NSUN2: variants seen among roughly 807,000 people sequenced by gnomAD.
NSUN2 encodes the protein NOP2/Sun RNA methyltransferase 2.
Under a neutral mutation model 92.7 loss-of-function variants are expected in NSUN2, and 63 were observed. That is an observed-to-expected ratio of 0.68 (90% CI 0.56 to 0.84). NSUN2 has a LOEUF of 0.84. NSUN2 is among the 40% of genes least tolerant of loss of function. The pLI is 0.00. For missense variants in NSUN2, 989 were observed against 964.9 expected (o/e 1.02, Z -0.33); for synonymous variants, 356 against 348.3 (o/e 1.02, Z -0.25).
intron 18 of NSUN2, among the ~76,000 whole-genome samples, chr5:6,600,781 T>C (rs1487766630): frequency 6.6e-6 from 1 of 152,152 alleles, no homozygotes; most frequent in Non-Finnish European, 1.5e-5. Context: ...GTTAGCGTGA[T>C]TTCTTCTCCA....
At chr5:6,606,577 G>A (rs746418140) in intron 14 of NSUN2, among the ~76,000 whole-genome samples, 73 of 151,808 alleles carry the variant, frequency 4.8e-4, no homozygotes, top group Non-Finnish European at 8.2e-4. Context: ...GAGCCACCGC[G>A]CCCGGTCCAG....
At chr5:6,610,489 CA>C (rs1736942173) in intron 11 of NSUN2, among the ~76,000 whole-genome samples, 1 of 151,986 alleles carries the variant, frequency 6.6e-6, no homozygotes, top group Admixed American at 6.5e-5. Flanking sequence ...GGGAGTTCAA[CA>C]CCAGCCTGGC....
intron 6 of NSUN2, chr5:6,621,792 C>T (rs1305065131): frequency 4.6e-5 from 20 of 438,220 alleles, no homozygotes; most frequent in Non-Finnish European, 7.3e-5. Context: ...AGAAAACACA[C>T]ATAATTCTAA....
chr5:6,600,702 C>T (rs1042936075), intron 18 of NSUN2, among the ~76,000 whole-genome samples: 6 of 152,024 alleles, frequency 3.9e-5, no homozygotes, highest in South Asian at 2.1e-4. Context: ...CCAGGACCAC[C>T]GGGAGACTCT....
rs984816694 is a variant in NSUN2 at position 6,610,840 on chromosome 5, G to T, written c.1226+115C>A. The T allele has an allele frequency of 1.4e-5, 18 of 1,272,508 alleles. No individual in the cohort carries two copies. In the African/African-American group the frequency reaches 2.7e-4, roughly 19 times the overall value. 78.8% of individuals were successfully genotyped at this position (1,272,508 alleles called of 1,614,324 possible). A position where few individuals can be genotyped will look rare whatever the true frequency, so the allele number is the denominator to read the frequency against. On this transcript the variant is annotated intron_variant, in intron 11 of 18. Coordinates refer to ENST00000264670, the MANE Select transcript of NSUN2 (RefSeq NM_017755.6). ...TGGGGTTGACCCTGGCATAACCCAA[G>T]CCTCACAGCAATGTCACCTGCTGCC...
At chr5:6,632,782 C>T (rs776818536) in intron 1 of NSUN2, 26 bp from the exon 2 acceptor site, 1 of 1,607,822 alleles carries the variant, frequency 6.2e-7, no homozygotes, top group African/African-American at 1.3e-5. Context: ...GACGTCTACC[C>T]CGAGGCCCAA....
chr5:6,618,076 A>T, intron 7 of NSUN2, 52 bp from the exon 8 acceptor site: 1 of 1,142,638 alleles, frequency 8.8e-7, no homozygotes, highest in Non-Finnish European at 1.3e-6. Flanking sequence ...GGATGACTGC[A>T]CTTTAACAGA....
At chr5:6,621,740 T>TC (rs1737453020) in intron 6 of NSUN2, 1 of 272,834 alleles carries the variant, frequency 3.7e-6, no homozygotes, top group East Asian at 8.0e-5. Flanking sequence ...AGAGTGAGAC[T>TC]CCATCTCAAA....
intron 7 of NSUN2, among the ~76,000 whole-genome samples, chr5:6,619,515 T>C (rs1737349314): frequency 6.6e-6 from 1 of 152,200 alleles, no homozygotes. Context: ...TCTTTCCTTT[T>C]AAAAAAACTT....
intron 3 of NSUN2, among the ~76,000 whole-genome samples, chr5:6,627,773 C>T (rs1445615364): frequency 6.6e-6 from 1 of 152,104 alleles, no homozygotes; most frequent in Non-Finnish European, 1.5e-5. Flanking sequence ...AATTATGTTT[C>T]TTATACAGCT....
chr5:6,602,730 A>G lies in NSUN2; in HGVS notation c.1958-230T>C, dbSNP rs369484469. Among the ~76,000 whole-genome samples the G allele has an allele frequency of 3.8e-4, 58 of 152,388 alleles. No individual in the cohort carries two copies. In the South Asian group the frequency reaches 0.012, roughly 30 times the overall value. ...CTGGAAGAGGACCCAGGCAAAAGCC[A>G]TTCAGGGACTTCAAGGGATGTCACC... is the stretch of plus-strand genomic sequence containing the variant. On this transcript the variant is annotated intron_variant, in intron 17 of 18. Transcript: ENST00000264670.
intron 3 of NSUN2, among the ~76,000 whole-genome samples, chr5:6,628,047 C>T (rs1403983161): frequency 2.6e-5 from 4 of 152,176 alleles, no homozygotes; most frequent in Admixed American, 2.6e-4. Flanking sequence ...TCAATCTAGA[C>T]ATTAAAAAGC....
chr5:6,602,464 G>T lies in NSUN2; in HGVS notation c.1994C>A (p.Ser665Tyr). ...GGCAGGGCGTGTACTGACTTACGCAGAATCTGGTTCATACTTCAGCACGAT... is the reference window on the plus strand; with the variant it reads ...GGCAGGGCGTGTACTGACTTACGCATAATCTGGTTCATACTTCAGCACGAT... ...GSIVLKYEPDSANPDALQCPI... is the reference protein window; with the variant it reads ...GSIVLKYEPDYANPDALQCPI... The change falls in exon 18 of 19, where the codon TCT (serine) becomes TAT (tyrosine). Residue 665 changes from serine (S) to tyrosine (Y), a missense_variant. Ser to Tyr is a moderately radical substitution (Grantham distance 144). Coordinates refer to ENST00000264670, the MANE Select transcript of NSUN2 (RefSeq NM_017755.6). The T allele has an allele frequency of 6.2e-7, 1 of 1,613,914 alleles. No homozygotes were observed. The highest frequency in any genetic ancestry group is 2.2e-5 in the East Asian group (1 of 44,890).
chr5:6,616,699 T>C, intron 9 of NSUN2, 28 bp downstream of exon 9: 1 of 1,285,792 alleles, frequency 7.8e-7, no homozygotes, highest in Non-Finnish European at 1.0e-6. Flanking sequence ...CCTATGCTGT[T>C]AATAAAAGAT....
At chr5:6,611,448 TAAA>T (rs760872450) in intron 10 of NSUN2, among the ~76,000 whole-genome samples, 2,439 of 86,138 alleles carry the variant, frequency 0.028, 148 homozygotes, top group African/African-American at 0.1. Flanking sequence ...CGGCCCAATT[TAAA>T]AAAAAAAAAA....
At chr5:6,632,007 A>T (rs1484893864) in intron 2 of NSUN2, 30 bp from the exon 3 acceptor site, 14 of 1,540,246 alleles carry the variant, frequency 9.1e-6, no homozygotes, top group Non-Finnish European at 1.2e-5. Context: ...TTTCAAACTG[A>T]TCTAAAAAAC....
chr5:6,604,665 T>C lies in NSUN2; in HGVS notation c.1758A>G (p.Lys586=), dbSNP rs1368055670. Reference sequence around the variant, plus strand: ...CACCGCTGTTATTTCTACACCAGACTTTGATCCCCGTGTTAATAACCTGTA... The same window carrying C: ...CACCGCTGTTATTTCTACACCAGACCTTGATCCCCGTGTTAATAACCTGTA... The part of the protein sequence containing the change: ...EKMKVINTGI[K]VWCRNNSGEE... The change falls in exon 16 of 19, where the codon AAA becomes AAG. Residue 586 remains lysine (K), a synonymous_variant. Transcript: ENST00000264670. 6.2e-7 allele frequency: 1 copy of C among 1,613,792 alleles called. No homozygotes were observed. The highest frequency in any genetic ancestry group is 1.1e-5 in the South Asian group (1 of 91,066).
chr5:6,602,631 C>A, intron 17 of NSUN2, 131 bp from the exon 18 acceptor site: 1 of 884,204 alleles, frequency 1.1e-6, no homozygotes, highest in Non-Finnish European at 1.9e-6. Flanking sequence ...ACATTCTTGG[C>A]TTCAAGGATC....
chr5:6,605,931 G>C (rs187673297), intron 14 of NSUN2, among the ~76,000 whole-genome samples: 170 of 152,224 alleles, frequency 1.1e-3, no homozygotes, highest in Middle Eastern at 3.4e-3. Context: ...CTAACCTCAT[G>C]ATCTGCCTGC....
Sources: allele counts gnomAD v4.1 joint callset (sites outside exome capture counted in the v4.1 genomes callset), GRCh38; gene constraint gnomAD v4.1.1; transcripts MANE v1.5; gene names NCBI Gene and HGNC (gene_info 2026-07-23, HGNC 2026-07-21).